The following AP4E1 variants were observed in gnomAD, a reference collection of about 807,000 sequenced individuals.
AP4E1 encodes AP-4 complex subunit epsilon-1.
In AP4E1, 56 loss-of-function variants were observed where a neutral mutation model predicts 128.2. The observed-to-expected ratio is 0.44, with a 90% CI of 0.35 to 0.55. The LOEUF (loss-of-function observed/expected upper bound fraction) is 0.55. Among genes scored for constraint, AP4E1 ranks in the 20% least tolerant of loss-of-function variants. The pLI is 0.00. For missense variants in AP4E1, 1,324 were observed against 1,307.7 expected (o/e 1.01, Z -0.19); for synonymous variants, 484 against 473.1 (o/e 1.02, Z -0.30).
Position 50,941,529 on chromosome 15 carries a change from T to G in AP4E1, c.1031T>G (p.Phe344Cys), listed in dbSNP as rs756542785. ...LEKAAKCIGK[F>C]VLSPKINLKY... ...AAGGCTGCCAAGTGCATTGGAAAAT[T>G]TGTTCTGTCACCTAAAATAAATCTA... is the stretch of plus-strand genomic sequence containing the variant. Residue 344 changes from phenylalanine to cysteine, a missense_variant, in exon 9 of 21, where the codon TTT (phenylalanine) becomes TGT (cysteine). Coordinates refer to ENST00000261842, the MANE Select transcript of AP4E1 (RefSeq NM_007347.5). The G allele has an allele frequency of 1.0e-4, 167 of 1,613,122 alleles. No individual in the cohort carries two copies. The highest frequency in any genetic ancestry group is 1.3e-4 in the Non-Finnish European group (157 of 1,179,656).
intron 3 of AP4E1, among the ~76,000 whole-genome samples, chr15:50,921,264 A>G (rs1407236705): frequency 2.0e-5 from 3 of 152,116 alleles, no homozygotes; most frequent in African/African-American, 4.8e-5. Context: ...TGCTGGAATT[A>G]TAGGCATGAA....
At chr15:50,923,354 A>G (rs1475211159) in intron 3 of AP4E1, among the ~76,000 whole-genome samples, 1 of 152,250 alleles carries the variant, frequency 6.6e-6, no homozygotes, top group East Asian at 1.9e-4. Flanking sequence ...GCCAATGAGT[A>G]TATTTAATGT....
In AP4E1 at chr15:50,968,313, T is replaced by A. The variant is rs2064423182; in HGVS notation, c.1902T>A (p.Ser634Arg). Residue 634 changes from serine to arginine, a missense_variant, in exon 15 of 21, where the codon AGT becomes AGA. By Grantham distance (110) the Ser-to-Arg change is moderately radical. Transcript: ENST00000261842. The part of the protein sequence containing the change: ...FLDGFVAEGL[S>R]QGAAPYKPPH... ...ATGGTTTTGTGGCTGAAGGACTCAG[T>A]CAGGGTGCAGCGCCTTACAAACCTC... 3.1e-6 allele frequency: 5 copies of A among 1,613,854 alleles called. No individual in the cohort carries two copies. The highest frequency in any genetic ancestry group is 2.5e-6 in the Non-Finnish European group (3 of 1,179,890).
intron 18 of AP4E1, among the ~76,000 whole-genome samples, chr15:50,998,521 T>G (rs971255575): frequency 6.6e-6 from 1 of 151,964 alleles, no homozygotes; most frequent in Non-Finnish European, 1.5e-5. Context: ...TCCCAGCTAC[T>G]CAGGAGGCTG....
intron 3 of AP4E1, chr15:50,915,901 A>G (rs961580362): frequency 8.0e-6 from 2 of 250,824 alleles, no homozygotes; most frequent in Non-Finnish European, 1.6e-5. Flanking sequence ...ACTTTTTTGT[A>G]TATAAATTAT....
At chr15:50,912,689 G>A (rs1407766867) in intron 2 of AP4E1, among the ~76,000 whole-genome samples, 3 of 146,986 alleles carry the variant, frequency 2.0e-5, no homozygotes, top group African/African-American at 7.6e-5. Flanking sequence ...ACGGAGTCTC[G>A]CTCTGTTGCC....
At chr15:50,977,706 G>GTTTTTTTTTGTTTTTT (rs2064572048) in intron 15 of AP4E1, among the ~76,000 whole-genome samples, 3 of 80,284 alleles carry the variant, frequency 3.7e-5, no homozygotes, top group Non-Finnish European at 5.2e-5. Context: ...ATCTGTTATG[G>GTTTTTTTTTGTTTTTT]TTTTTTTTTT....
intron 7 of AP4E1, 92 bp downstream of exon 7, chr15:50,931,063 T>G: frequency 6.9e-7 from 1 of 1,448,684 alleles, no homozygotes; most frequent in Non-Finnish European, 9.7e-7. Context: ...ATAAACCAGA[T>G]TCTTCCAATG....
At chr15:50,958,275 A>G (rs1202984789) in intron 13 of AP4E1, among the ~76,000 whole-genome samples, 1 of 152,246 alleles carries the variant, frequency 6.6e-6, no homozygotes, top group Non-Finnish European at 1.5e-5. Flanking sequence ...GCTGCTTTAT[A>G]TATTGTTAAT....
At chr15:50,966,984 A>G (rs1319408257) in intron 14 of AP4E1, among the ~76,000 whole-genome samples, 3 of 152,222 alleles carry the variant, frequency 2.0e-5, no homozygotes, top group Non-Finnish European at 4.4e-5. Flanking sequence ...TTCTGAGGTC[A>G]TCACTGCTCT....
intron 1 of AP4E1, among the ~76,000 whole-genome samples, chr15:50,909,383 A>G (rs1596447954): frequency 6.6e-6 from 1 of 152,120 alleles, no homozygotes; most frequent in African/African-American, 2.4e-5. Context: ...CCTTCAACTG[A>G]ACAACAGTTC....
At chr15:50,931,001 GA>G in intron 7 of AP4E1, 30 bp downstream of exon 7, 1 of 1,612,546 alleles carries the variant, frequency 6.2e-7, no homozygotes, top group South Asian at 1.1e-5. Context: ...TTTGCTTAAT[GA>G]CCCCCATACC....
At position 50,914,650 on chromosome 15, in the gene AP4E1, CA is replaced by C. The variant is rs60591318; in HGVS notation, c.223-777del. ...TGGGTGACAGAGCGAGACTCTGTCT[CA>C]AAAAAAAAAAAAAAAAAAAAGTCTG... is the stretch of plus-strand genomic sequence containing the variant. On this transcript the variant is annotated intron_variant, in intron 2 of 20. Transcript: ENST00000261842. 6.1e-3 allele frequency among the ~76,000 whole-genome samples: 567 copies of C among 93,470 alleles called. 5 individuals carry two copies. The highest frequency in any genetic ancestry group is 0.015 in the African/African-American group (342 of 22,454). The allele number at this position is 93,470 out of a possible 152,430, so 61.3% of individuals were successfully genotyped here.
intron 8 of AP4E1, among the ~76,000 whole-genome samples, chr15:50,938,703 G>A (rs1567222911): frequency 6.6e-6 from 1 of 152,094 alleles, no homozygotes; most frequent in Non-Finnish European, 1.5e-5. Context: ...CCTGATCAGC[G>A]ATAATGAGGC....
chr15:50,907,669 A>C (rs570277116), upstream of AP4E1, among the ~76,000 whole-genome samples: 1 of 152,350 alleles, frequency 6.6e-6, no homozygotes, highest in East Asian at 1.9e-4. Flanking sequence ...ACATTTTACC[A>C]GCTAGTCAAT....
chr15:50,972,198 G>GTTTCTTTC (rs145100423), intron 15 of AP4E1, among the ~76,000 whole-genome samples: 2 of 151,086 alleles, frequency 1.3e-5, no homozygotes, highest in South Asian at 2.1e-4. Flanking sequence ...TCTTCATGTA[G>GTTTCTTTC]TTTCTTTCTT....
intron 20 of AP4E1, among the ~76,000 whole-genome samples, chr15:51,001,775 T>C (rs2064966392): frequency 6.6e-6 from 1 of 152,252 alleles, no homozygotes; most frequent in African/African-American, 2.4e-5. Flanking sequence ...TGAGTAATGC[T>C]GCTATGAACA....
chr15:50,969,950 T>C (rs948566218), intron 15 of AP4E1, among the ~76,000 whole-genome samples: 10 of 152,190 alleles, frequency 6.6e-5, no homozygotes, highest in East Asian at 1.9e-4. Context: ...TGAGCCACCA[T>C]GCCCGGCCAC....
chr15:50,947,928 A>G, intron 10 of AP4E1, 92 bp from the exon 11 acceptor site: 1 of 1,048,400 alleles, frequency 9.5e-7, no homozygotes. Context: ...AAAGTAGAAG[A>G]ATCAACTGTA....
Sources: allele counts gnomAD v4.1 joint callset (sites outside exome capture counted in the v4.1 genomes callset), GRCh38; gene constraint gnomAD v4.1.1; transcripts MANE v1.5; gene names NCBI Gene and HGNC (gene_info 2026-07-23, HGNC 2026-07-21).